The following MDGA2 variants were observed in gnomAD, a reference collection of about 807,000 sequenced individuals.
MDGA2 encodes the protein MAM domain-containing glycosylphosphatidylinositol anchor protein 2.
A neutral mutation model predicts 117.8 loss-of-function variants in MDGA2; 40 were observed. The ratio of observed to expected loss-of-function variants is 0.34; its 90% CI spans 0.26 to 0.44. The LOEUF (loss-of-function observed/expected upper bound fraction) is 0.44, where lower values mean the gene tolerates loss of function less well. Ranked by LOEUF, MDGA2 falls within the 20% of genes least tolerant of loss-of-function variation. The pLI is 1.00. For missense variants in MDGA2, 1,123 were observed against 1,250.6 expected, an observed-to-expected ratio of 0.90 and a Z score of 1.54; for synonymous variants, 452 against 439.0, an observed-to-expected ratio of 1.03 and a Z score of -0.37.
At chr14:47,286,824 T>TATATATATATACACAC (rs1491236673) in intron 2 of MDGA2, among the ~76,000 whole-genome samples, 2 of 104,254 alleles carry the variant, frequency 1.9e-5, no homozygotes, top group African/African-American at 6.7e-5. Context: ...TATATATATA[T>TATATATATATACACAC]ACATATATAT....
At chr14:47,355,796 G>A (rs1890981453) in intron 1 of MDGA2, among the ~76,000 whole-genome samples, 1 of 152,152 alleles carries the variant, frequency 6.6e-6, no homozygotes, top group Non-Finnish European at 1.5e-5. Context: ...CCCACTCCCA[G>A]CATCAATCCT....
intron 9 of MDGA2, among the ~76,000 whole-genome samples, chr14:46,923,472 A>C (rs1355209264): frequency 6.6e-6 from 1 of 152,150 alleles, no homozygotes; most frequent in Non-Finnish European, 1.5e-5. Context: ...TAGAATCATG[A>C]GATTAGAAAA....
chr14:47,663,942 A>G (rs1388632849), intron 1 of MDGA2, among the ~76,000 whole-genome samples: 3 of 152,166 alleles, frequency 2.0e-5, no homozygotes, highest in Non-Finnish European at 4.4e-5. Context: ...ATTCAACAAC[A>G]AGATCAATAC....
At chr14:47,537,290 A>C (rs1416866964) in intron 1 of MDGA2, among the ~76,000 whole-genome samples, 1 of 120,216 alleles carries the variant, frequency 8.3e-6, no homozygotes, top group Non-Finnish European at 1.6e-5. Context: ...GGAACATCAC[A>C]CACCAGGGCC....
chr14:47,155,866 C>A (rs1226788382), intron 3 of MDGA2, among the ~76,000 whole-genome samples: 3 of 89,226 alleles, frequency 3.4e-5, no homozygotes, highest in East Asian at 8.3e-4. Context: ...TTTTACAATT[C>A]TTTTCTTTTC....
At chr14:47,300,728 G>C (rs1021750517) in intron 2 of MDGA2, among the ~76,000 whole-genome samples, 1 of 151,712 alleles carries the variant, frequency 6.6e-6, no homozygotes, top group East Asian at 1.9e-4. Flanking sequence ...CCAACTTCTG[G>C]CCTCAAATGA....
At chr14:47,435,620 C>T (rs1246403781) in intron 1 of MDGA2, among the ~76,000 whole-genome samples, 1 of 152,082 alleles carries the variant, frequency 6.6e-6, no homozygotes, top group Admixed American at 6.6e-5. Flanking sequence ...AATTTGTTTT[C>T]TAAAACTTTC....
rs535400630 is a variant in MDGA2 at position 46,979,156 on chromosome 14, C to T, written c.1820-21513G>A. On this transcript the variant is annotated intron_variant, in intron 8 of 16. Transcript: ENST00000399232. ...TTATTATTATATCCAAAATAGTAAC[C>T]TTTTTTTCAGTGATCTTACTATTGT... Among the ~76,000 whole-genome samples, 5 of 151,992 alleles carry T rather than the reference C, an allele frequency of 3.3e-5. No homozygotes were observed. In the South Asian group the frequency reaches 1.0e-3, roughly 32 times the overall value.
At chr14:47,157,612 T>C (rs1409427792) in intron 3 of MDGA2, among the ~76,000 whole-genome samples, 1 of 147,128 alleles carries the variant, frequency 6.8e-6, no homozygotes, top group African/African-American at 2.6e-5. Context: ...TGTGTGTGTG[T>C]GTGTGTGTGT....
intron 14 of MDGA2, among the ~76,000 whole-genome samples, chr14:46,862,338 C>T (rs931273238): frequency 2.0e-5 from 3 of 150,960 alleles, no homozygotes; most frequent in Non-Finnish European, 4.4e-5. Flanking sequence ...TCTTATCTCA[C>T]GAATAATGGC....
chr14:47,141,206 T>C (rs1437411747), intron 4 of MDGA2, among the ~76,000 whole-genome samples: 5 of 152,228 alleles, frequency 3.3e-5, no homozygotes, highest in Admixed American at 3.3e-4. Context: ...GGAATGCAAA[T>C]TAGTACAGCC....
chr14:47,532,229 T>C (rs1314274373), intron 1 of MDGA2, among the ~76,000 whole-genome samples: 1 of 152,218 alleles, frequency 6.6e-6, no homozygotes, highest in Non-Finnish European at 1.5e-5. Flanking sequence ...TCAATTACGA[T>C]TGCAGTCATT....
chr14:47,313,990 G>A (rs1206313747), intron 1 of MDGA2, among the ~76,000 whole-genome samples: 2 of 152,144 alleles, frequency 1.3e-5, no homozygotes, highest in East Asian at 3.9e-4. Context: ...ATATACACTT[G>A]TAACTCCAAA....
Position 47,249,595 on chromosome 14 carries a change from G to C in MDGA2, c.421-31400C>G, listed in dbSNP as rs149448867. Among the ~76,000 whole-genome samples the C allele has an allele frequency of 3.0e-3, 449 of 152,120 alleles. 5 individuals carry two copies. The highest frequency in any genetic ancestry group is 5.5e-3 in the Non-Finnish European group (376 of 68,000). ...CCCACTTCAACCTCGCAGAGTGCTG[G>C]GATTACAGGCATGAACCACCATGCC... On this transcript the variant is annotated intron_variant, in intron 2 of 16. Coordinates refer to ENST00000399232, the MANE Select transcript of MDGA2 (RefSeq NM_001113498.3).
chr14:47,501,136 T>C (rs1205754381), intron 1 of MDGA2, among the ~76,000 whole-genome samples: 1 of 152,152 alleles, frequency 6.6e-6, no homozygotes, highest in Non-Finnish European at 1.5e-5. Context: ...TTAAATATGA[T>C]CAAACCTCTG....
intron 3 of MDGA2, among the ~76,000 whole-genome samples, chr14:47,186,266 T>A (rs1190810353): frequency 2.6e-5 from 4 of 151,714 alleles, no homozygotes; most frequent in Non-Finnish European, 4.4e-5. Context: ...ATAAATGTAA[T>A]GCAATGATTA....
intron 1 of MDGA2, among the ~76,000 whole-genome samples, chr14:47,640,102 G>A (rs922917565): frequency 3.9e-5 from 6 of 152,248 alleles, no homozygotes; most frequent in South Asian, 4.1e-4. Context: ...GACTGGGAGC[G>A]TCTTCGCACA....
chr14:47,007,969 T>C (rs10459437), intron 8 of MDGA2, among the ~76,000 whole-genome samples: 21,757 of 151,804 alleles, frequency 0.14, 1,759 homozygotes, highest in South Asian at 0.27. Context: ...AAAAATTATT[T>C]TGGAAAGCAT....
chr14:47,511,505 C>T (rs753119509), intron 1 of MDGA2, among the ~76,000 whole-genome samples: 2 of 151,904 alleles, frequency 1.3e-5, no homozygotes, highest in Non-Finnish European at 2.9e-5. Context: ...GTTTATAACA[C>T]AGAAAGTATC....
Sources: gnomAD v4.1 joint callset for allele counts (sites outside exome capture counted in the v4.1 genomes callset) on GRCh38, gnomAD v4.1.1 for gene constraint, MANE v1.5 for transcripts, NCBI Gene and HGNC (gene_info 2026-07-23, HGNC 2026-07-21) for gene names.